MID1: variants seen among roughly 807,000 people sequenced by gnomAD.
MID1 encodes the protein midline 1.
In MID1, 7 loss-of-function variants were observed where a neutral mutation model predicts 40.4. The ratio of observed to expected loss-of-function variants is 0.17; its 90% CI spans 0.10 to 0.33. The LOEUF (loss-of-function observed/expected upper bound fraction) is 0.33, where lower values mean the gene tolerates loss of function less well. Among genes scored for constraint, MID1 ranks in the 10% least tolerant of loss-of-function variants. The pLI is 1.00. For synonymous variants in MID1, 229 were observed against 221.2 expected, an observed-to-expected ratio of 1.04 and a Z score of -0.31; for missense variants, 367 against 558.5, an observed-to-expected ratio of 0.66 and a Z score of 3.46.
chrX:10,501,027 C>A (rs7888482), intron 3 of MID1, among the ~76,000 whole-genome samples: 3,994 of 111,676 alleles, frequency 0.036, 132 homozygotes, highest in African/African-American at 0.095. Context: ...TTAGGCCTTC[C>A]TGGCCGGGCG....
chrX:10,788,656 T>C lies in MID1; in HGVS notation c.-187+44898A>G, dbSNP rs765443000. Among the ~76,000 whole-genome samples, 33 of 109,363 alleles carry C rather than the reference T, an allele frequency of 3.0e-4. 1 individual carries two copies. The South Asian group carries it at 3.9e-3, about 13-fold the overall frequency. 95.0% of individuals were successfully genotyped at this position (109,363 alleles called of 115,157 possible). ...GGATTTTCAGCAATACCTGGAGACA[T>C]TTTGGTTGTCATAGTTTGGGGGTGG... On this transcript the variant is annotated intron_variant, in intron 1 of 10. Coordinates refer to the MID1 transcript ENST00000380785.
intron 1 of MID1, among the ~76,000 whole-genome samples, chrX:10,639,528 C>T (rs1936162829): frequency 8.9e-6 from 1 of 112,030 alleles, no homozygotes. Flanking sequence ...AAGACCAAAT[C>T]TACGTCGGAT....
intron 1 of MID1, among the ~76,000 whole-genome samples, chrX:10,786,414 T>G (rs1167013448): frequency 1.8e-5 from 2 of 111,089 alleles, no homozygotes; most frequent in South Asian, 3.9e-4. Context: ...GTGTGGCGAT[T>G]CCTCAGGGAT....
intron 4 of MID1, among the ~76,000 whole-genome samples, chrX:10,493,543 A>G (rs969949741): frequency 2.7e-5 from 3 of 112,089 alleles, no homozygotes; most frequent in Non-Finnish European, 5.6e-5. Context: ...GCAAAACCTC[A>G]ATTAGAGAGG....
intron 3 of MID1, among the ~76,000 whole-genome samples, chrX:10,514,751 C>G (rs1258146437): frequency 8.9e-6 from 1 of 112,014 alleles, no homozygotes; most frequent in Non-Finnish European, 1.9e-5. Flanking sequence ...CTTGGGAAAT[C>G]AACCATTATT....
intron 1 of MID1, among the ~76,000 whole-genome samples, chrX:10,778,264 G>A (rs1446170464): frequency 9.0e-6 from 1 of 110,680 alleles, no homozygotes; most frequent in Non-Finnish European, 1.9e-5. Flanking sequence ...GCAGCCATGA[G>A]GTCAGTAGGT....
chrX:10,727,456 T>C (rs1042266700), intron 1 of MID1, among the ~76,000 whole-genome samples: 45 of 112,832 alleles, frequency 4.0e-4, no homozygotes, highest in African/African-American at 1.1e-3. Flanking sequence ...CTTTGAATTA[T>C]AAAGGATTAG....
intron 1 of MID1, among the ~76,000 whole-genome samples, chrX:10,591,903 A>G (rs752159038): frequency 1.8e-4 from 20 of 111,095 alleles, no homozygotes; most frequent in Non-Finnish European, 3.6e-4. Flanking sequence ...CCACTGTGGT[A>G]CACAGTCTTT....
intron 1 of MID1, among the ~76,000 whole-genome samples, chrX:10,795,847 A>G (rs1198002952): frequency 8.9e-6 from 1 of 112,408 alleles, no homozygotes; most frequent in East Asian, 2.8e-4. Context: ...CAATCTATAA[A>G]GACAACCTAA....
intron 3 of MID1, chrX:10,505,822 G>A (rs1447396616): frequency 2.0e-5 from 15 of 752,421 alleles, no homozygotes; most frequent in Non-Finnish European, 2.3e-5. Flanking sequence ...ATTCCTTTTA[G>A]TTGTTGTGCC....
chrX:10,469,314 A>G (rs1013091217), intron 7 of MID1: 18 of 937,022 alleles, frequency 1.9e-5, no homozygotes, highest in Non-Finnish European at 2.3e-5. Flanking sequence ...TTTAACACCT[A>G]TGAATGTTTC....
chrX:10,580,966 AG>A (rs1431813501), intron 1 of MID1, among the ~76,000 whole-genome samples: 2 of 104,020 alleles, frequency 1.9e-5, no homozygotes, highest in Non-Finnish European at 3.9e-5. Context: ...AAACATGTAG[AG>A]GTCAGGCGCA....
rs760758113 is a variant in MID1, at chrX:10,482,438, G to C, written c.1013+42C>G. On this transcript the variant is annotated intron_variant, in intron 5 of 9. Transcript: ENST00000317552. Reference sequence around the variant, plus strand: ...CCAACCAATCACAGCGCAGATACAAGAGCCCAGCAGCCGAGAAATTCCCAG... The same window carrying C: ...CCAACCAATCACAGCGCAGATACAACAGCCCAGCAGCCGAGAAATTCCCAG... 80 of 1,194,033 alleles carry C rather than the reference G, an allele frequency of 6.7e-5. 1 individual carries two copies. The highest frequency in any genetic ancestry group is 6.8e-5 in the Non-Finnish European group (60 of 881,903).
intron 3 of MID1, among the ~76,000 whole-genome samples, chrX:10,499,404 C>T (rs1206822090): frequency 8.9e-6 from 1 of 111,900 alleles, no homozygotes; most frequent in East Asian, 2.8e-4. Context: ...GTTATCTTTG[C>T]ATTTTCTTTA....
Position 10,583,768 on chromosome X carries a change from C to T in MID1, c.-56-16165G>A, listed in dbSNP as rs951955389. ...GCGATTTAGGCCAGGTACGGTGGCT[C>T]ACGCCTGTAAACCCAGAACTTTGGG... is the stretch of plus-strand genomic sequence containing the variant. On this transcript the variant is annotated intron_variant, in intron 1 of 9. Coordinates refer to ENST00000317552, the MANE Select transcript of MID1 (RefSeq NM_000381.4). Among the ~76,000 whole-genome samples the T allele has an allele frequency of 6.3e-5, 7 of 111,652 alleles. No individual in the cohort carries two copies. The East Asian group carries it at 2.0e-3, about 31-fold the overall frequency.
intron 1 of MID1, among the ~76,000 whole-genome samples, chrX:10,639,532 G>A (rs1218386642): frequency 1.8e-5 from 2 of 112,004 alleles, no homozygotes; most frequent in Admixed American, 9.5e-5. Context: ...CCAAATCTAC[G>A]TCGGATTGGT....
intron 1 of MID1, among the ~76,000 whole-genome samples, chrX:10,605,778 T>C (rs1184256390): frequency 8.9e-6 from 1 of 112,134 alleles, no homozygotes; most frequent in Non-Finnish European, 1.9e-5. Flanking sequence ...TAAACTCATA[T>C]ACTTCCAAGA....
chrX:10,588,361 G>A (rs1269081143), intron 1 of MID1, among the ~76,000 whole-genome samples: 2 of 110,722 alleles, frequency 1.8e-5, no homozygotes, highest in African/African-American at 3.3e-5. Flanking sequence ...GCTACAGATT[G>A]AATGCATCTG....
intron 1 of MID1, among the ~76,000 whole-genome samples, chrX:10,660,552 G>A (rs1046880201): frequency 1.8e-5 from 2 of 112,226 alleles, no homozygotes; most frequent in African/African-American, 3.2e-5. Context: ...ATTCTGCAGG[G>A]GAAAAAGAAT....
Sources: gnomAD v4.1 joint callset for allele counts (sites outside exome capture counted in the v4.1 genomes callset) on GRCh38, gnomAD v4.1.1 for gene constraint, MANE v1.5 for transcripts, NCBI Gene and HGNC (gene_info 2026-07-23, HGNC 2026-07-21) for gene names.